COL4A1: variants seen among roughly 807,000 people sequenced by gnomAD.
The protein encoded by COL4A1 is collagen alpha-1(IV) chain.
COL4A1 carries 40 observed loss-of-function variants against 216.6 expected under a neutral mutation model. The observed-to-expected ratio is 0.18, with a 90% CI of 0.14 to 0.24. The LOEUF is 0.24. Ranked by LOEUF, COL4A1 falls within the 10% of genes least tolerant of loss-of-function variation. COL4A1 has a pLI of 1.00. For missense variants in COL4A1, 1,628 were observed against 2,196.8 expected (o/e 0.74, Z 5.18); for synonymous variants, 839 against 810.7 (o/e 1.03, Z -0.59).
At chr13:110,201,616 T>C in intron 18 of COL4A1, 94 bp from the exon 19 acceptor site, 3 of 1,100,206 alleles carry the variant, frequency 2.7e-6, no homozygotes, top group South Asian at 2.5e-5. Flanking sequence ...TACATATTTG[T>C]TTTTATTTCA....
chr13:110,198,237 C>T (rs771119652), intron 21 of COL4A1, among the ~76,000 whole-genome samples: 6 of 152,070 alleles, frequency 3.9e-5, no homozygotes, highest in Non-Finnish European at 8.8e-5. Context: ...AGGTGGTTAA[C>T]GTGTTATTTA....
intron 17 of COL4A1, among the ~76,000 whole-genome samples, chr13:110,204,036 T>C (rs1339397959): frequency 6.6e-6 from 1 of 152,204 alleles, no homozygotes; most frequent in Admixed American, 6.5e-5. Context: ...ATGATGTTTT[T>C]AGGTGAAGAT....
In COL4A1 at chr13:110,261,035, T is replaced by TAAAAAAAAAA. The variant is rs1303970828; in HGVS notation, c.85-18302_85-18301insTTTTTTTTTT. Among the ~76,000 whole-genome samples, 264 of 42,138 alleles carry TAAAAAAAAAA rather than the reference T, an allele frequency of 6.3e-3. 4 individuals are homozygous for TAAAAAAAAAA. Among genetic ancestry groups the TAAAAAAAAAA allele is most frequent in the Middle Eastern group, 0.04 (2 of 50 alleles). The allele number at this position is 42,138 out of a possible 152,430, so 27.6% of individuals were successfully genotyped here. The stretch of plus-strand genomic sequence containing the variant: ...CTGGGTGACAGAGCGAGACTCCGTC[T>TAAAAAAAAAA]CAAAAAAAAAAAAAAAAAAGGCCAA... On this transcript the variant is annotated intron_variant, in intron 1 of 51. Transcript: ENST00000375820.
At chr13:110,292,381 G>A (rs1884122832) in intron 1 of COL4A1, among the ~76,000 whole-genome samples, 1 of 152,218 alleles carries the variant, frequency 6.6e-6, no homozygotes, top group South Asian at 2.1e-4. Context: ...AAGAGGCCAT[G>A]CTGTGGTCTA....
At chr13:110,306,466 C>G (rs1366874602) in intron 1 of COL4A1, among the ~76,000 whole-genome samples, 2 of 152,148 alleles carry the variant, frequency 1.3e-5, no homozygotes, top group African/African-American at 2.4e-5. Flanking sequence ...CCACCAGGGT[C>G]TCCAGACAAG....
At chr13:110,164,569 G>C (rs1877245270) in intron 46 of COL4A1, among the ~76,000 whole-genome samples, 1 of 152,198 alleles carries the variant, frequency 6.6e-6, no homozygotes, top group Admixed American at 6.5e-5. Flanking sequence ...CGGGAGGCAG[G>C]AGGGGGAAAG....
At chr13:110,256,730 C>T (rs1882588552) in intron 1 of COL4A1, among the ~76,000 whole-genome samples, 1 of 147,414 alleles carries the variant, frequency 6.8e-6, no homozygotes, top group South Asian at 2.1e-4. Flanking sequence ...TCTATTCATG[C>T]CCCAGACCGG....
chr13:110,234,066 G>A (rs1214228493), intron 2 of COL4A1, among the ~76,000 whole-genome samples: 1 of 152,144 alleles, frequency 6.6e-6, no homozygotes, highest in Non-Finnish European at 1.5e-5. Context: ...CACATGACAC[G>A]CATATGTCCC....
At chr13:110,158,585 T>C (rs1876906837) in intron 49 of COL4A1, among the ~76,000 whole-genome samples, 1 of 152,214 alleles carries the variant, frequency 6.6e-6, no homozygotes, top group Admixed American at 6.5e-5. Context: ...ATTCAAAGAC[T>C]GCTGATTTCT....
intron 1 of COL4A1, among the ~76,000 whole-genome samples, chr13:110,293,325 A>C (rs1367026575): frequency 6.6e-6 from 1 of 152,198 alleles, no homozygotes; most frequent in Non-Finnish European, 1.5e-5. Context: ...GAGTCAGTAA[A>C]ATGTTGTAGA....
intron 40 of COL4A1, among the ~76,000 whole-genome samples, 153 bp downstream of exon 40, chr13:110,173,747 T>A (rs538293046): frequency 2.0e-5 from 3 of 152,214 alleles, no homozygotes; most frequent in Non-Finnish European, 2.9e-5. Flanking sequence ...CCCACTCTAC[T>A]CCACACATCC....
intron 1 of COL4A1, among the ~76,000 whole-genome samples, chr13:110,257,353 G>A (rs141771611): frequency 6.6e-6 from 1 of 152,204 alleles, no homozygotes; most frequent in Admixed American, 6.5e-5. Context: ...CCAAGGCCAT[G>A]AGCAAATGTG....
At chr13:110,206,827 T>C (rs756219121) in intron 14 of COL4A1, 38 bp downstream of exon 14, 1 of 1,613,640 alleles carries the variant, frequency 6.2e-7, no homozygotes, top group Non-Finnish European at 8.5e-7. Context: ...CTTTATGGTC[T>C]TTGACCTAAA....
intron 1 of COL4A1, among the ~76,000 whole-genome samples, chr13:110,266,291 G>A (rs572973184): frequency 2.0e-5 from 3 of 152,314 alleles, no homozygotes; most frequent in South Asian, 2.1e-4. Context: ...CCGAAGGGAC[G>A]CAAGGGGAAC....
At chr13:110,274,924 G>A (rs191888566) in intron 1 of COL4A1, among the ~76,000 whole-genome samples, 10 of 152,246 alleles carry the variant, frequency 6.6e-5, no homozygotes, top group Admixed American at 2.0e-4. Flanking sequence ...CACCTCAAAG[G>A]CAAAAGCAAA....
intron 2 of COL4A1, among the ~76,000 whole-genome samples, chr13:110,239,798 C>T (rs1881476839): frequency 1.3e-5 from 2 of 152,220 alleles, no homozygotes; most frequent in South Asian, 4.1e-4. Flanking sequence ...GAGTACATTT[C>T]TTTCTTAGCT....
chr13:110,161,207 CTTA>C lies in COL4A1; in HGVS notation c.4622_4624del (p.Ile1541del). On this transcript the variant is annotated inframe_deletion, in exon 49 of 52. Transcript: ENST00000375820. Reference sequence around the variant, plus strand: ...CTCGACTCACCTACTAATAAATGGTCTTATGTTTTCCCCCGTGATGGGTGCCAT... The same window carrying C: ...CTCGACTCACCTACTAATAAATGGTCTGTTTTCCCCCGTGATGGGTGCCAT... 1 of 1,614,208 alleles carries C rather than the reference CTTA, an allele frequency of 6.2e-7. No homozygotes were observed. The highest frequency in any genetic ancestry group is 8.5e-7 in the Non-Finnish European group (1 of 1,180,042).
chr13:110,197,074 G>C (rs181215155), intron 21 of COL4A1, among the ~76,000 whole-genome samples: 16 of 151,774 alleles, frequency 1.1e-4, no homozygotes, highest in African/African-American at 3.9e-4. Context: ...TTTACATGAC[G>C]TGTGTTTATA....
chr13:110,256,103 CCTAA>C (rs150280932), intron 1 of COL4A1, among the ~76,000 whole-genome samples: 6,912 of 152,062 alleles, frequency 0.045, 179 homozygotes, highest in South Asian at 0.1. Context: ...TTAAATCATA[CCTAA>C]CTGTTTTAAA....
Sources: gnomAD v4.1 joint callset for allele counts (sites outside exome capture counted in the v4.1 genomes callset) on GRCh38, gnomAD v4.1.1 for gene constraint, MANE v1.5 for transcripts, NCBI Gene and HGNC (gene_info 2026-07-23, HGNC 2026-07-21) for gene names.